RHOA: variants seen among roughly 807,000 people sequenced by gnomAD.
RHOA encodes the protein ras homolog family member A.
A neutral mutation model predicts 17.5 loss-of-function variants in RHOA; 3 were observed. That is an observed-to-expected ratio of 0.17 (90% confidence interval 0.08 to 0.44). The LOEUF is 0.44. Ranked by LOEUF, RHOA falls within the 20% of genes least tolerant of loss-of-function variation. RHOA has a pLI of 0.99. For missense variants in RHOA, 56 were observed against 242.3 expected (o/e 0.23, Z 5.10); for synonymous variants, 98 against 88.4 (o/e 1.11, Z -0.61).
intron 1 of RHOA, among the ~76,000 whole-genome samples, chr3:49,387,217 G>A (rs1427305107): frequency 6.7e-6 from 1 of 149,270 alleles, no homozygotes; most frequent in African/African-American, 2.5e-5. Context: ...GGCCGAGGCG[G>A]GCGGATCATG....
chr3:49,401,087 G>A (rs1209579161), intron 1 of RHOA, among the ~76,000 whole-genome samples: 2 of 138,666 alleles, frequency 1.4e-5, no homozygotes, highest in Admixed American at 7.4e-5. Flanking sequence ...CTTTTAGAAA[G>A]GAAACTTTCA....
rs951828195 is a variant in RHOA at position 49,409,953 on chromosome 3, T to TA, written c.-3+1866dup. ...GGCCTTGCTCTAGAAGTTGGTCCCT[T>TA]AAAAAAAAATCCAAACAAAGCCATG... On this transcript the variant is annotated intron_variant, in intron 1 of 4. Transcript: ENST00000418115. Among the ~76,000 whole-genome samples, 12 of 151,482 alleles carry TA rather than the reference T, an allele frequency of 7.9e-5. No homozygotes were observed. In the South Asian group the frequency reaches 8.4e-4, roughly 11 times the overall value.
intron 2 of RHOA, among the ~76,000 whole-genome samples, chr3:49,370,172 G>A (rs964047762): frequency 2.0e-5 from 3 of 151,908 alleles, no homozygotes; most frequent in South Asian, 2.1e-4. Flanking sequence ...GCTTGAGCCC[G>A]GGAGGCGGAG....
intron 1 of RHOA, among the ~76,000 whole-genome samples, chr3:49,402,218 T>C (rs2048734106): frequency 6.6e-6 from 1 of 152,178 alleles, no homozygotes; most frequent in Non-Finnish European, 1.5e-5. Context: ...AATCAGGATT[T>C]GACTTTGTTT....
At chr3:49,373,570 C>T (rs575014666) in intron 2 of RHOA, among the ~76,000 whole-genome samples, 3 of 152,256 alleles carry the variant, frequency 2.0e-5, no homozygotes, top group South Asian at 4.1e-4. Context: ...TAAGCCCAGC[C>T]ACTTGGGGCT....
At chr3:49,368,701 TTTTTTC>T (rs1195114821) in intron 2 of RHOA, among the ~76,000 whole-genome samples, 153 bp from the exon 3 acceptor site, 13 of 143,012 alleles carry the variant, frequency 9.1e-5, no homozygotes, top group African/African-American at 3.9e-4. Flanking sequence ...ACATTTTTTC[TTTTTTC>T]TTTTTTTTTT....
At chr3:49,366,042 G>A (rs1199958561) in intron 3 of RHOA, among the ~76,000 whole-genome samples, 1 of 152,118 alleles carries the variant, frequency 6.6e-6, no homozygotes, top group Non-Finnish European at 1.5e-5. Context: ...GCAAGAAAGC[G>A]AGACCCTGTC....
chr3:49,364,938 C>G (rs908457249), intron 3 of RHOA, among the ~76,000 whole-genome samples: 2 of 152,034 alleles, frequency 1.3e-5, no homozygotes, highest in African/African-American at 4.8e-5. Flanking sequence ...CCATTGCACT[C>G]CAGCCTGCGT....
intron 1 of RHOA, among the ~76,000 whole-genome samples, chr3:49,406,551 C>CTG (rs1046718572): frequency 6.6e-6 from 1 of 152,122 alleles, no homozygotes; most frequent in Non-Finnish European, 1.5e-5. Context: ...GGTGGATTGC[C>CTG]TGAGGTCAGG....
At chr3:49,372,290 CT>C (rs1245793837) in intron 2 of RHOA, among the ~76,000 whole-genome samples, 1 of 152,186 alleles carries the variant, frequency 6.6e-6, no homozygotes, top group Non-Finnish European at 1.5e-5. Flanking sequence ...TTAACACCCT[CT>C]GTATTGGTTT....
At chr3:49,400,564 AG>A (rs2048705981) in intron 1 of RHOA, among the ~76,000 whole-genome samples, 1 of 152,000 alleles carries the variant, frequency 6.6e-6, no homozygotes, top group South Asian at 2.1e-4. Flanking sequence ...TCTGGTACAG[AG>A]AAGACTGTAT....
chr3:49,378,720 C>A (rs559200159), intron 1 of RHOA, among the ~76,000 whole-genome samples: 1 of 152,204 alleles, frequency 6.6e-6, no homozygotes, highest in Admixed American at 6.6e-5. Flanking sequence ...CCTCCCACCT[C>A]AACCTCTCCA....
chr3:49,404,364 G>C (rs761053790), intron 1 of RHOA, among the ~76,000 whole-genome samples: 106 of 148,050 alleles, frequency 7.2e-4, no homozygotes, highest in Non-Finnish European at 1.5e-3. Context: ...GGAAGCCAAG[G>C]CAGGTGGATC....
intron 1 of RHOA, among the ~76,000 whole-genome samples, chr3:49,378,395 C>T (rs1212872708): frequency 6.6e-6 from 1 of 151,544 alleles, no homozygotes; most frequent in African/African-American, 2.4e-5. Flanking sequence ...CACAGGCATG[C>T]GCCACCACGC....
At chr3:49,369,339 G>A (rs955810386) in intron 2 of RHOA, among the ~76,000 whole-genome samples, 2 of 151,050 alleles carry the variant, frequency 1.3e-5, no homozygotes, top group African/African-American at 2.4e-5. Flanking sequence ...TCACTTTTAT[G>A]AGCATCAAGC....
At chr3:49,382,780 C>G (rs1251466984) in intron 1 of RHOA, among the ~76,000 whole-genome samples, 1 of 152,120 alleles carries the variant, frequency 6.6e-6, no homozygotes. Flanking sequence ...CTGCTTTGGC[C>G]GAGTGTGCTG....
intron 3 of RHOA, among the ~76,000 whole-genome samples, chr3:49,366,060 G>GA (rs1312733247): frequency 1.3e-5 from 2 of 151,986 alleles, no homozygotes; most frequent in Non-Finnish European, 2.9e-5. Flanking sequence ...GTCTCAAAAA[G>GA]AAAAAAGTGA....
intron 1 of RHOA, among the ~76,000 whole-genome samples, chr3:49,387,016 C>G (rs2048406734): frequency 6.7e-6 from 1 of 148,488 alleles, no homozygotes; most frequent in South Asian, 2.1e-4. Context: ...ACTCAGGAGG[C>G]TGAGGCAGGA....
Position 49,375,515 on chromosome 3 carries a change from G to A in RHOA, c.75C>T (p.Phe25=), listed in dbSNP as rs147354494. 3.7e-6 allele frequency: 6 copies of A among 1,613,940 alleles called. No individual in the cohort carries two copies. The African/African-American group carries it at 8.0e-5, about 22-fold the overall frequency. ...ACGKTCLLIV[F]SKDQFPEVYV... ...ACACCTCTGGGAACTGGTCCTTGCT[G>A]AAGACTATGAGCAAGCATGTCTTTC... Residue 25 remains phenylalanine, a synonymous_variant, in exon 2 of 5, where the codon TTC becomes TTT. Coordinates refer to ENST00000418115, the MANE Select transcript of RHOA (RefSeq NM_001664.4).
Sources: gnomAD v4.1 joint callset for allele counts (sites outside exome capture counted in the v4.1 genomes callset) on GRCh38, gnomAD v4.1.1 for gene constraint, MANE v1.5 for transcripts, NCBI Gene and HGNC (gene_info 2026-07-23, HGNC 2026-07-21) for gene names.